Variants in EFCAB13 observed in about 807,000 individuals in gnomAD.
EFCAB13 encodes the protein EF-hand calcium-binding domain-containing protein 13.
EFCAB13 carries 91 observed loss-of-function variants against 110.2 expected under a neutral mutation model. The observed-to-expected ratio is 0.83, with a 90% CI of 0.70 to 0.98. The LOEUF (loss-of-function observed/expected upper bound fraction) is 0.98, where lower values mean the gene tolerates loss of function less well. Ranked by LOEUF, EFCAB13 falls within the 50% of genes least tolerant of loss-of-function variation. EFCAB13 has a pLI of 0.00. For synonymous variants in EFCAB13, 323 were observed against 369.9 expected, an observed-to-expected ratio of 0.87 and a Z score of 1.45; for missense variants, 968 against 1,119.4, an observed-to-expected ratio of 0.86 and a Z score of 1.93.
In EFCAB13 at chr17:47,379,236, GT is replaced by G. The variant is rs2065633057; in HGVS notation, c.1569del (p.Pro524LeufsTer26). On this transcript the variant is annotated frameshift_variant, in exon 14 of 25. Transcript: ENST00000331493. LOFTEE classifies it high-confidence loss of function. ...GTAAATGCTCTCGCCAAGGAGCGAAGTTTTCCTGAATGCAATGGTAGGTAGG... is the reference window on the plus strand; with the variant it reads ...GTAAATGCTCTCGCCAAGGAGCGAAGTTTCCTGAATGCAATGGTAGGTAGG... Reference protein sequence around the residue: ...DFVNALAKERSFPECNALPGV... With the variant: ...DFVNALAKERXFPECNALPGV... The G allele has an allele frequency of 1.2e-6, 2 of 1,613,260 alleles. No homozygotes were observed. The highest frequency in any genetic ancestry group is 4.5e-5 in the East Asian group (2 of 44,830).
chr17:47,421,479 C>T (rs1904705440), intron 23 of EFCAB13, among the ~76,000 whole-genome samples: 1 of 151,802 alleles, frequency 6.6e-6, no homozygotes, highest in Admixed American at 6.6e-5. Flanking sequence ...TACCCAGGGA[C>T]ACAAACACTG....
At chr17:47,355,785 A>T (rs1225353935) in intron 9 of EFCAB13, among the ~76,000 whole-genome samples, 1 of 151,902 alleles carries the variant, frequency 6.6e-6, no homozygotes, top group African/African-American at 2.4e-5. Context: ...GTTGGCCAGG[A>T]TGGCCTCGAT....
intron 24 of EFCAB13, among the ~76,000 whole-genome samples, chr17:47,435,443 T>C (rs556528227): frequency 6.6e-6 from 1 of 152,244 alleles, no homozygotes; most frequent in East Asian, 1.9e-4. Context: ...ATAAAACCAC[T>C]ATGGAAAACA....
At chr17:47,403,045 A>T (rs1299721309) in intron 18 of EFCAB13, among the ~76,000 whole-genome samples, 2 of 152,210 alleles carry the variant, frequency 1.3e-5, no homozygotes, top group Non-Finnish European at 2.9e-5. Flanking sequence ...GAGCTGATAC[A>T]GGTTTTCTGG....
intron 23 of EFCAB13, among the ~76,000 whole-genome samples, chr17:47,424,899 T>TTTTTTTTTTTTTTTTTC (rs1904887695): frequency 1.0e-5 from 1 of 99,650 alleles, no homozygotes; most frequent in Non-Finnish European, 2.0e-5. Flanking sequence ...TTTTTTTTTT[T>TTTTTTTTTTTTTTTTTC]TGAGACGGAG....
chr17:47,341,684 T>G (rs1023794925), intron 5 of EFCAB13, among the ~76,000 whole-genome samples: 7 of 152,140 alleles, frequency 4.6e-5, no homozygotes, highest in African/African-American at 7.2e-5. Context: ...AAAAGACACC[T>G]TGTAGAGATT....
At chr17:47,365,612 G>A (rs1000915600) in intron 10 of EFCAB13, among the ~76,000 whole-genome samples, 1 of 152,204 alleles carries the variant, frequency 6.6e-6, no homozygotes, top group Non-Finnish European at 1.5e-5. Context: ...GTATGTAGTT[G>A]CTTGCTGTGC....
intron 17 of EFCAB13, among the ~76,000 whole-genome samples, chr17:47,396,298 A>G (rs2065737810): frequency 1.3e-5 from 2 of 152,306 alleles, no homozygotes; most frequent in South Asian, 4.1e-4. Context: ...TAAGAGATCT[A>G]TTCAAATTTT....
At position 47,328,343 on chromosome 17, in the gene EFCAB13, T is replaced by A; in HGVS notation, c.-11T>A. 1 of 1,605,610 alleles carries A rather than the reference T, an allele frequency of 6.2e-7. No homozygotes were observed. Among genetic ancestry groups the A allele is most frequent in the Non-Finnish European group, 8.5e-7 (1 of 1,173,420 alleles). On this transcript the variant is annotated 5_prime_UTR_variant, in exon 4 of 25. Transcript: ENST00000331493. ...AGTCCTTAAGGACAGAATTTACCTC[T>A]AAACAGAAAGATGGAAACTAAAGTA... is the stretch of plus-strand genomic sequence containing the variant.
At chr17:47,343,845 G>C (rs1431804742) in intron 6 of EFCAB13, among the ~76,000 whole-genome samples, 1 of 152,040 alleles carries the variant, frequency 6.6e-6, no homozygotes, top group East Asian at 1.9e-4. Context: ...TCTGGTGGCT[G>C]AGTCTTCTTG....
At chr17:47,413,244 C>CA (rs1204520626) in intron 22 of EFCAB13, among the ~76,000 whole-genome samples, 1 of 89,484 alleles carries the variant, frequency 1.1e-5, no homozygotes, top group Non-Finnish European at 2.4e-5. Flanking sequence ...GATCTGCTTT[C>CA]ATTTTTTTTT....
At chr17:47,377,164 TACAC>T (rs1567792241) in intron 12 of EFCAB13, among the ~76,000 whole-genome samples, 2 of 152,040 alleles carry the variant, frequency 1.3e-5, no homozygotes, top group East Asian at 1.9e-4. Flanking sequence ...TCATTAATTT[TACAC>T]ACACACATAC....
In EFCAB13 at chr17:47,374,532, C is replaced by G. The variant is rs1232218857; in HGVS notation, c.938C>G (p.Ala313Gly). 9 of 1,578,856 alleles carry G rather than the reference C, an allele frequency of 5.7e-6. No individual in the cohort carries two copies. Among genetic ancestry groups the G allele is most frequent in the Non-Finnish European group, 7.7e-6 (9 of 1,168,974 alleles). Residue 313 changes from alanine (A) to glycine (G), a missense_variant, in exon 12 of 25, where the codon GCA becomes GGA. Transcript: ENST00000331493. Reference sequence around the variant, plus strand: ...TCAGACAGAAAGTTATCAAGTGTAGCAGGATGCTATCTAAAATATAAGAAG... The same window carrying G: ...TCAGACAGAAAGTTATCAAGTGTAGGAGGATGCTATCTAAAATATAAGAAG... ...ITSDRKLSSV[A>G]GCYLKYKKKN...
At chr17:47,418,133 C>T (rs183217080) in intron 23 of EFCAB13, among the ~76,000 whole-genome samples, 23 of 152,268 alleles carry the variant, frequency 1.5e-4, no homozygotes, top group African/African-American at 5.1e-4. Flanking sequence ...TCTTGTTATA[C>T]AATCAAAAGA....
chr17:47,342,183 C>A, intron 6 of EFCAB13, 151 bp downstream of exon 6: 1 of 485,752 alleles, frequency 2.1e-6, no homozygotes, highest in Non-Finnish European at 3.7e-6. Context: ...TCTTAATTCT[C>A]CTTTTTCTTC....
Position 47,378,847 on chromosome 17 carries a change from T to A in EFCAB13, c.1511-335T>A, listed in dbSNP as rs150735543. Among the ~76,000 whole-genome samples the A allele has an allele frequency of 6.3e-3, 956 of 152,320 alleles. 10 individuals carry two copies. Among genetic ancestry groups the A allele is most frequent in the South Asian group, 0.018 (86 of 4,830 alleles). ...GACTCCTTAACTCTCTCATGGTCTA[T>A]CTATATGGACATCTTTCTTTTTTCC... On this transcript the variant is annotated intron_variant, in intron 13 of 24. Coordinates refer to ENST00000331493, the MANE Select transcript of EFCAB13 (RefSeq NM_152347.5).
chr17:47,370,632 TAAATC>T (rs1431837915), intron 11 of EFCAB13, 124 bp downstream of exon 11: 22 of 591,092 alleles, frequency 3.7e-5, no homozygotes, highest in African/African-American at 3.3e-4. Flanking sequence ...TTTACCCTCT[TAAATC>T]AAGGAGATAA....
intron 5 of EFCAB13, among the ~76,000 whole-genome samples, chr17:47,338,206 TA>T (rs1168855927): frequency 6.6e-6 from 1 of 151,476 alleles, no homozygotes; most frequent in Non-Finnish European, 1.5e-5. Flanking sequence ...CATTAATGGG[TA>T]ATGGGTCATG....
intron 14 of EFCAB13, among the ~76,000 whole-genome samples, chr17:47,389,398 C>T (rs2065693801): frequency 1.3e-5 from 2 of 151,958 alleles, no homozygotes; most frequent in African/African-American, 4.8e-5. Context: ...GCAAGAAAGC[C>T]CCATGACAAA....
Sources: allele counts gnomAD v4.1 joint callset (sites outside exome capture counted in the v4.1 genomes callset), GRCh38; gene constraint gnomAD v4.1.1; transcripts MANE v1.5; gene names NCBI Gene and HGNC (gene_info 2026-07-23, HGNC 2026-07-21).